Variants in PRKCI observed in about 807,000 individuals in gnomAD.
The protein encoded by PRKCI is protein kinase C iota type.
A neutral mutation model predicts 84.0 loss-of-function variants in PRKCI; 43 were observed. The observed-to-expected ratio is 0.51, with a 90% CI of 0.40 to 0.66. The LOEUF is 0.66. Among genes scored for constraint, PRKCI ranks in the 30% least tolerant of loss-of-function variants. The probability of loss-of-function intolerance (pLI) is 0.00; values close to 1 mark genes in which losing one functional copy is unlikely to be tolerated. For synonymous variants in PRKCI, 216 were observed against 234.4 expected, an observed-to-expected ratio of 0.92 and a Z score of 0.72; for missense variants, 459 against 745.6, an observed-to-expected ratio of 0.62 and a Z score of 4.48.
intron 14 of PRKCI, 71 bp downstream of exon 14, chr3:170,293,579 G>A (rs1734621767): frequency 1.6e-5 from 23 of 1,481,488 alleles, no homozygotes; most frequent in Non-Finnish European, 1.9e-5. Context: ...AGTGATTCAG[G>A]TTACTACTTT....
At chr3:170,277,547 A>C (rs972929509) in intron 8 of PRKCI, among the ~76,000 whole-genome samples, 1 of 152,144 alleles carries the variant, frequency 6.6e-6, no homozygotes, top group African/African-American at 2.4e-5. Flanking sequence ...ACAAAAAATT[A>C]GCCAGGCTCG....
At chr3:170,286,853 C>G (rs1195852673) in intron 12 of PRKCI, among the ~76,000 whole-genome samples, 1 of 149,864 alleles carries the variant, frequency 6.7e-6, no homozygotes, top group Non-Finnish European at 1.5e-5. Flanking sequence ...CGCTGTGTTG[C>G]CCAGGCTCGT....
intron 12 of PRKCI, among the ~76,000 whole-genome samples, chr3:170,285,509 C>T (rs180932270): frequency 2.7e-4 from 41 of 152,314 alleles, no homozygotes; most frequent in African/African-American, 9.4e-4. Context: ...AGCAATACAA[C>T]AACCAGTATG....
Position 170,226,100 on chromosome 3 carries a change from C to T in PRKCI, c.101+3330C>T, listed in dbSNP as rs140666067. On this transcript the variant is annotated intron_variant, in intron 1 of 17. Coordinates refer to ENST00000295797, the MANE Select transcript of PRKCI (RefSeq NM_002740.6). ...GCTAATTTTTGTATTTTAGTAGAGA[C>T]GGGTTTTCACCATGTTGGCCAGGTT... 9.0e-3 allele frequency among the ~76,000 whole-genome samples: 1,364 copies of T among 152,000 alleles called. 10 individuals are homozygous for T. Among genetic ancestry groups the T allele is most frequent in the Middle Eastern group, 0.031 (9 of 294 alleles).
rs751649286 is a variant in PRKCI at position 170,305,180 on chromosome 3, A to T, written c.*2053A>T. Reference sequence around the variant, plus strand: ...TTGCTTTTAAGTGGTGCTGTTTCCCATAGGGCATTAGTTCTCAGATTTTGG... The same window carrying T: ...TTGCTTTTAAGTGGTGCTGTTTCCCTTAGGGCATTAGTTCTCAGATTTTGG... On this transcript the variant is annotated 3_prime_UTR_variant, in exon 18 of 18. Coordinates refer to ENST00000295797, the MANE Select transcript of PRKCI (RefSeq NM_002740.6). 1 of 152,604 alleles carries T rather than the reference A, an allele frequency of 6.6e-6. No homozygotes were observed. The highest frequency in any genetic ancestry group is 1.5e-5 in the Non-Finnish European group (1 of 68,028). The allele number at this position is 152,604 out of a possible 1,614,324, so 9.5% of individuals were successfully genotyped here. A position where few individuals can be genotyped will look rare whatever the true frequency, so the allele number is the denominator to read the frequency against.
chr3:170,241,894 GAGGC>G (rs1560168746), intron 2 of PRKCI, among the ~76,000 whole-genome samples: 1 of 152,184 alleles, frequency 6.6e-6, no homozygotes, highest in Non-Finnish European at 1.5e-5. Flanking sequence ...TGGGGAGGCT[GAGGC>G]AGGAGGATCA....
At chr3:170,232,823 G>A (rs973790994) in intron 1 of PRKCI, among the ~76,000 whole-genome samples, 1 of 152,096 alleles carries the variant, frequency 6.6e-6, no homozygotes, top group African/African-American at 2.4e-5. Context: ...TTACAGGCAC[G>A]AGCCACCTTG....
chr3:170,287,436 A>G (rs888528061), intron 12 of PRKCI, among the ~76,000 whole-genome samples: 6 of 151,794 alleles, frequency 4.0e-5, no homozygotes, highest in African/African-American at 9.7e-5. Context: ...TTTATGTATC[A>G]TTCTGTTATG....
rs918867925 is a variant in PRKCI, at chr3:170,303,341, T to G, written c.*214T>G. 8.1e-6 allele frequency: 3 copies of G among 369,044 alleles called. No individual in the cohort carries two copies. The highest frequency in any genetic ancestry group is 1.4e-5 in the Non-Finnish European group (3 of 208,326). The allele number at this position is 369,044 out of a possible 1,614,324, so 22.9% of individuals were successfully genotyped here. A position where few individuals can be genotyped will look rare whatever the true frequency, so the allele number is the denominator to read the frequency against. On this transcript the variant is annotated 3_prime_UTR_variant, in exon 18 of 18. Transcript: ENST00000295797. Reference sequence around the variant, plus strand: ...AGCTTCCAGACAATCATGTCAAAATTTAGTTGAACTGGTTTTTCAGTTTTT... The same window carrying G: ...AGCTTCCAGACAATCATGTCAAAATGTAGTTGAACTGGTTTTTCAGTTTTT...
intron 12 of PRKCI, among the ~76,000 whole-genome samples, chr3:170,287,101 G>A (rs369288668): frequency 1.3e-5 from 2 of 151,974 alleles, no homozygotes; most frequent in Non-Finnish European, 2.9e-5. Context: ...TTGGGAGGCC[G>A]AGGCAGGCAG....
chr3:170,295,470 A>C (rs1421478882), intron 14 of PRKCI, among the ~76,000 whole-genome samples: 1 of 152,008 alleles, frequency 6.6e-6, no homozygotes, highest in Non-Finnish European at 1.5e-5. Flanking sequence ...TGAGGTCAGG[A>C]GTTTGAGACC....
At chr3:170,270,332 C>A in intron 5 of PRKCI, 89 bp from the exon 6 acceptor site, 4 of 1,279,434 alleles carry the variant, frequency 3.1e-6, no homozygotes, top group Non-Finnish European at 4.2e-6. Context: ...CAGTTGACAC[C>A]GTGACAAAGG....
intron 2 of PRKCI, among the ~76,000 whole-genome samples, chr3:170,252,897 C>T (rs941034384): frequency 2.0e-5 from 3 of 152,142 alleles, no homozygotes; most frequent in Non-Finnish European, 2.9e-5. Flanking sequence ...CTTCTGGTAG[C>T]TATCATTCTA....
In PRKCI at chr3:170,305,695, A is replaced by G. The variant is rs1734941622; in HGVS notation, c.*2568A>G. 6.6e-6 allele frequency: 1 copy of G among 152,204 alleles called. No homozygotes were observed. The highest frequency in any genetic ancestry group is 1.5e-5 in the Non-Finnish European group (1 of 68,030). The allele number at this position is 152,204 out of a possible 1,614,324, so 9.4% of individuals were successfully genotyped here. On this transcript the variant is annotated 3_prime_UTR_variant, in exon 18 of 18. Coordinates refer to ENST00000295797, the MANE Select transcript of PRKCI (RefSeq NM_002740.6). ...CTTATATTCTATAGAAGTTCGCTCAAAATACTCAACAGGGGAATAGGCAGC... is the reference window on the plus strand; with the variant it reads ...CTTATATTCTATAGAAGTTCGCTCAGAATACTCAACAGGGGAATAGGCAGC...
intron 14 of PRKCI, among the ~76,000 whole-genome samples, chr3:170,295,125 T>A (rs1180634095): frequency 6.6e-6 from 1 of 151,738 alleles, no homozygotes; most frequent in East Asian, 1.9e-4. Context: ...GGCAGGAGAA[T>A]CACTTCAGCC....
rs551025541 is a variant in PRKCI at position 170,277,556 on chromosome 3, C to T, written c.705+2269C>T. Among the ~76,000 whole-genome samples the T allele has an allele frequency of 1.1e-4, 16 of 151,988 alleles. 1 individual carries two copies. In the Middle Eastern group the frequency reaches 0.017, roughly 162 times the overall value. On this transcript the variant is annotated intron_variant, in intron 8 of 17. Transcript: ENST00000295797. Reference sequence around the variant, plus strand: ...AAAAATACAAAAAATTAGCCAGGCTCGGTGGCAGGCGCCTGTAGTCCCAGC... The same window carrying T: ...AAAAATACAAAAAATTAGCCAGGCTTGGTGGCAGGCGCCTGTAGTCCCAGC...
rs1035436979 is a variant in PRKCI, at chr3:170,297,511, A to G, written c.1587+118A>G. ...GCTCTGTCACCGAGGCTGGAGTACA[A>G]TGGCACGATCTCAGCTCACTGCAAC... is the stretch of plus-strand genomic sequence containing the variant. On this transcript the variant is annotated intron_variant, in intron 16 of 17. Transcript: ENST00000295797. The G allele has an allele frequency of 1.8e-5, 14 of 784,718 alleles. No homozygotes were observed. In the East Asian group the frequency reaches 2.5e-4, roughly 14 times the overall value. The allele number at this position is 784,718 out of a possible 1,614,324, so 48.6% of individuals were successfully genotyped here. A position where few individuals can be genotyped will look rare whatever the true frequency, so the allele number is the denominator to read the frequency against.
At chr3:170,227,517 C>T (rs929268412) in intron 1 of PRKCI, among the ~76,000 whole-genome samples, 1 of 152,142 alleles carries the variant, frequency 6.6e-6, no homozygotes, top group African/African-American at 2.4e-5. Flanking sequence ...ATGTCTGAGG[C>T]TTTTAAAGGA....
At chr3:170,268,080 A>G (rs1733909107) in intron 5 of PRKCI, 80 bp downstream of exon 5, 2 of 1,197,178 alleles carry the variant, frequency 1.7e-6, no homozygotes, top group Admixed American at 2.1e-5. Flanking sequence ...GTAGTTTGTT[A>G]TTAAGTCTTG....
Sources: allele counts gnomAD v4.1 joint callset (sites outside exome capture counted in the v4.1 genomes callset), GRCh38; gene constraint gnomAD v4.1.1; transcripts MANE v1.5; gene names NCBI Gene and HGNC (gene_info 2026-07-23, HGNC 2026-07-21).